IL2RB: variants seen among roughly 807,000 people sequenced by gnomAD.
IL2RB encodes interleukin-2 receptor subunit beta.
In IL2RB, 17 loss-of-function variants were observed where a neutral mutation model predicts 44.2. The observed-to-expected ratio is 0.38, with a 90% CI of 0.26 to 0.58. IL2RB has a LOEUF of 0.58. Ranked by LOEUF, IL2RB falls within the 20% of genes least tolerant of loss-of-function variation. The pLI, the probability that IL2RB is intolerant of heterozygous loss-of-function variation, is 0.63. For missense variants in IL2RB, 624 were observed against 685.5 expected, an observed-to-expected ratio of 0.91 and a Z score of 1.00; for synonymous variants, 286 against 297.9, an observed-to-expected ratio of 0.96 and a Z score of 0.41.
chr22:37,128,246 G>T lies in IL2RB; in HGVS notation c.1506C>A (p.Asp502Glu), dbSNP rs200168333. ...AACTGACTCCCTCCCTGGGGCCAGC[G>T]TCAGGGACCTCCTCCCCAGCCTCTC... ...VLREAGEEVP[D>E]AGPREGVSFP... The change falls in exon 10 of 10, where the codon GAC becomes GAA. Residue 502 changes from aspartate to glutamate, a missense_variant. Physicochemically the swap from Asp to Glu is conservative, Grantham distance 45. Transcript: ENST00000216223. The surrounding 1 kb of genome is among the most constrained non-coding windows in gnomAD (Gnocchi z 4.5). 1 of 1,501,464 alleles carries T rather than the reference G, an allele frequency of 6.7e-7. No homozygotes were observed. Among genetic ancestry groups the T allele is most frequent in the Non-Finnish European group, 8.9e-7 (1 of 1,126,572 alleles). 93.0% of individuals were successfully genotyped at this position (1,501,464 alleles called of 1,614,324 possible).
At chr22:37,165,626 C>T (rs76061479) in intron 1 of IL2RB, among the ~76,000 whole-genome samples, 52 of 152,278 alleles carry the variant, frequency 3.4e-4, no homozygotes, top group African/African-American at 1.2e-3. Flanking sequence ...TGCAGATGCT[C>T]CTGGGCAGCT....
At chr22:37,132,513 G>C (rs1240186529) in intron 8 of IL2RB, 45 bp from the exon 9 acceptor site, 1 of 1,473,604 alleles carries the variant, frequency 6.8e-7, no homozygotes, top group Admixed American at 1.7e-5. Flanking sequence ...GAAAGGGAAG[G>C]ACCGCGGTGT....
chr22:37,135,537 T>G (rs940951472), intron 7 of IL2RB, 95 bp from the exon 8 acceptor site: 3 of 735,996 alleles, frequency 4.1e-6, no homozygotes, highest in Admixed American at 2.1e-5. Context: ...TCCAGGGCCC[T>G]GCCACGCAGG....
At chr22:37,132,089 C>T (rs1430480096) in intron 9 of IL2RB, among the ~76,000 whole-genome samples, 4 of 152,160 alleles carry the variant, frequency 2.6e-5, no homozygotes, top group Admixed American at 2.6e-4. Context: ...CAGGGCAGGA[C>T]ACATAGTAAC....
In IL2RB at chr22:37,127,905, G is replaced by A. The variant is rs1016267091; in HGVS notation, c.*191C>T. ...GTTCCTGGCTCGGGCAGCAGGACCC[G>A]GGAGCAGCAGTGGAGGTTTGGAAAT... On this transcript the variant is annotated 3_prime_UTR_variant, in exon 10 of 10. Transcript: ENST00000216223. The A allele has an allele frequency of 1.9e-5, 8 of 422,736 alleles. No individual in the cohort carries two copies. The highest frequency in any genetic ancestry group is 1.7e-4 in the Admixed American group (4 of 23,168). The allele number at this position is 422,736 out of a possible 1,614,324, so 26.2% of individuals were successfully genotyped here.
intron 1 of IL2RB, among the ~76,000 whole-genome samples, chr22:37,165,680 AAATTT>A (rs113607423): frequency 7.0e-6 from 1 of 143,472 alleles, no homozygotes; most frequent in African/African-American, 2.6e-5. Flanking sequence ...CTTTTTTTAA[AAATTT>A]AATTTAATTT....
At chr22:37,167,922 G>A in intron 1 of IL2RB, among the ~76,000 whole-genome samples, 1 of 152,240 alleles carries the variant, frequency 6.6e-6, no homozygotes, top group South Asian at 2.1e-4. Context: ...GGACAATCTT[G>A]GTGTTGGGCT....
chr22:37,151,948 G>A (rs948004470), upstream of IL2RB, among the ~76,000 whole-genome samples: 23 of 152,176 alleles, frequency 1.5e-4, no homozygotes, highest in Admixed American at 2.0e-4. Flanking sequence ...TTACGCTAGC[G>A]CCACGCTGTT....
chr22:37,130,864 A>C (rs1010406447), intron 9 of IL2RB, among the ~76,000 whole-genome samples: 3 of 152,256 alleles, frequency 2.0e-5, no homozygotes, highest in African/African-American at 7.2e-5. Context: ...ATTCCCGCAC[A>C]TTAAGAGTAC....
At chr22:37,146,188 C>T (rs966437770) in intron 1 of IL2RB, among the ~76,000 whole-genome samples, 11 of 152,186 alleles carry the variant, frequency 7.2e-5, no homozygotes, top group Admixed American at 3.9e-4. Flanking sequence ...CTTCCCCACC[C>T]TCACCAGGCC....
intron 4 of IL2RB, among the ~76,000 whole-genome samples, chr22:37,140,116 C>G (rs960428401): frequency 2.6e-5 from 4 of 152,106 alleles, no homozygotes; most frequent in African/African-American, 9.7e-5. Flanking sequence ...ATTTCAGGGC[C>G]GGGACCTTGG....
intron 5 of IL2RB, among the ~76,000 whole-genome samples, chr22:37,138,155 C>T (rs1314339484): frequency 6.6e-6 from 1 of 152,200 alleles, no homozygotes; most frequent in African/African-American, 2.4e-5. Context: ...GGCAGCTTTT[C>T]TCTGCACTTA....
At chr22:37,170,083 AGGAAGAATGGATGGATGGATGGATGGAT>A (rs1923227018) in intron 1 of IL2RB, among the ~76,000 whole-genome samples, 1 of 123,952 alleles carries the variant, frequency 8.1e-6, no homozygotes. Flanking sequence ...GGGAGAAGGA[AGGAAGAATGGATGGATGGATGGATGGAT>A]GGATGGATGG....
rs1380451144 is a variant in IL2RB at position 37,142,792 on chromosome 22, C to T, written c.204-280G>A. On this transcript the variant is annotated intron_variant, in intron 3 of 9. Transcript: ENST00000216223. ...ACTTCAAGACAGGCAGTCCTCCCCA[C>T]CTAGAGCCCTCCAAAGCTCCATGAG... The T allele has an allele frequency of 1.4e-5, 8 of 573,596 alleles. No homozygotes were observed. In the Admixed American group the frequency reaches 2.2e-4, roughly 16 times the overall value. The allele number at this position is 573,596 out of a possible 1,614,324, so 35.5% of individuals were successfully genotyped here.
At chr22:37,168,312 C>G (rs1195436713) in intron 1 of IL2RB, among the ~76,000 whole-genome samples, 1 of 152,170 alleles carries the variant, frequency 6.6e-6, no homozygotes, top group Non-Finnish European at 1.5e-5. Flanking sequence ...AGGCATAGAG[C>G]GTGCCCAGTT....
rs228938 is a variant in IL2RB at position 37,126,725 on chromosome 22, T to A, written c.*1371A>T. ...GGGTCACTGTCCTGCTGGGGTGGAA[T>A]GTTGTTTGAGCCATTGCAACGTGAT... On this transcript the variant is annotated 3_prime_UTR_variant, in exon 10 of 10. Coordinates refer to ENST00000216223, the MANE Select transcript of IL2RB (RefSeq NM_000878.5). The A allele has an allele frequency of 6.6e-6, 1 of 152,066 alleles. No homozygotes were observed. Among genetic ancestry groups the A allele is most frequent in the Non-Finnish European group, 1.5e-5 (1 of 68,084 alleles). The allele number at this position is 152,066 out of a possible 1,614,324, so 9.4% of individuals were successfully genotyped here. A position where few individuals can be genotyped will look rare whatever the true frequency, so the allele number is the denominator to read the frequency against.
chr22:37,143,912 TGTGTGTGC>T (rs72005543), intron 2 of IL2RB, among the ~76,000 whole-genome samples, 165 bp downstream of exon 2: 2,591 of 128,078 alleles, frequency 0.02, 86 homozygotes, highest in African/African-American at 0.098. Flanking sequence ...TGTGTGTGTG[TGTGTGTGC>T]GCGCATTCAT....
chr22:37,173,621 A>C (rs5756533), intron 1 of IL2RB, among the ~76,000 whole-genome samples: 96,824 of 152,028 alleles, frequency 0.64, 34,344 homozygotes, highest in Non-Finnish European at 0.8. Flanking sequence ...GATAGTGTTA[A>C]TATCATCCCC....
intron 8 of IL2RB, among the ~76,000 whole-genome samples, chr22:37,133,584 G>T (rs890229455): frequency 2.6e-5 from 4 of 152,194 alleles, no homozygotes; most frequent in African/African-American, 9.7e-5. Flanking sequence ...GAGAAGCAGG[G>T]CTCTCATCAG....
Sources: gnomAD v4.1 joint callset for allele counts (sites outside exome capture counted in the v4.1 genomes callset) on GRCh38, gnomAD v4.1.1 for gene constraint, Gnocchi (gnomAD v3.1) non-coding constraint, MANE v1.5 for transcripts, NCBI Gene and HGNC (gene_info 2026-07-23, HGNC 2026-07-21) for gene names.